The following TTC29 variants were observed in gnomAD, a reference collection of about 807,000 sequenced individuals.
TTC29 encodes the protein tetratricopeptide repeat protein 29.
TTC29 carries 49 observed loss-of-function variants against 58.1 expected under a neutral mutation model. The ratio of observed to expected loss-of-function variants is 0.84; its 90% CI spans 0.67 to 1.07. The LOEUF (loss-of-function observed/expected upper bound fraction) is 1.07, where lower values mean the gene tolerates loss of function less well. TTC29 is among the 50% of genes least tolerant of loss of function. TTC29 has a pLI of 0.00. For missense variants in TTC29, 582 were observed against 555.6 expected (o/e 1.05, Z -0.48); for synonymous variants, 209 against 196.8 (o/e 1.06, Z -0.52).
At chr4:146,894,542 AG>A (rs1335446262) in intron 6 of TTC29, among the ~76,000 whole-genome samples, 3 of 63,704 alleles carry the variant, frequency 4.7e-5, no homozygotes, top group African/African-American at 6.4e-5. Context: ...GGGTTGGGGG[AG>A]GGGGGAGGGA....
intron 11 of TTC29, among the ~76,000 whole-genome samples, chr4:146,776,967 G>A (rs112885532): frequency 1.3e-5 from 2 of 152,264 alleles, no homozygotes; most frequent in African/African-American, 4.8e-5. Context: ...GAGAGGCAGG[G>A]CCACTGGTAT....
intron 11 of TTC29, among the ~76,000 whole-genome samples, chr4:146,749,302 C>T (rs1745789383): frequency 6.6e-6 from 1 of 152,000 alleles, no homozygotes; most frequent in African/African-American, 2.4e-5. Flanking sequence ...CAGAGTAAGA[C>T]CCTGTCTCAA....
intron 6 of TTC29, among the ~76,000 whole-genome samples, chr4:146,890,693 A>G (rs1325026916): frequency 6.6e-6 from 1 of 152,212 alleles, no homozygotes; most frequent in Non-Finnish European, 1.5e-5. Context: ...CAGATGGCTG[A>G]ATATTCCCCT....
At chr4:146,803,793 G>T in intron 10 of TTC29, 108 bp from the exon 11 acceptor site, 2 of 783,722 alleles carry the variant, frequency 2.6e-6, no homozygotes, top group Non-Finnish European at 1.9e-6. Context: ...GACAGTTACA[G>T]CAGTTCATCT....
In TTC29 at chr4:146,748,005, C is replaced by A. The variant is rs183908873; in HGVS notation, c.1331-40454G>T. On this transcript the variant is annotated intron_variant, in intron 11 of 12. Coordinates refer to ENST00000325106, the MANE Select transcript of TTC29 (RefSeq NM_031956.4). ...CAGTGGCATCTTGCCATTCCTGGGT[C>A]CTTGCTGCTTCTGCATCTGCCTCAC... Among the ~76,000 whole-genome samples the A allele has an allele frequency of 2.6e-3, 394 of 152,338 alleles. 4 individuals carry two copies. Among genetic ancestry groups the A allele is most frequent in the Middle Eastern group, 0.01 (3 of 294 alleles).
intron 9 of TTC29, among the ~76,000 whole-genome samples, chr4:146,832,918 T>C (rs1728264103): frequency 6.6e-6 from 1 of 152,218 alleles, no homozygotes; most frequent in African/African-American, 2.4e-5. Context: ...ATATTAGTAA[T>C]GGTACTTATA....
At chr4:146,910,443 T>C (rs1733822322) in intron 4 of TTC29, among the ~76,000 whole-genome samples, 1 of 152,060 alleles carries the variant, frequency 6.6e-6, no homozygotes, top group Non-Finnish European at 1.5e-5. Flanking sequence ...TAGACTTGCA[T>C]CTACCAAGGA....
At chr4:146,830,787 A>T (rs1410195335) in intron 9 of TTC29, among the ~76,000 whole-genome samples, 1 of 138,336 alleles carries the variant, frequency 7.2e-6, no homozygotes, top group East Asian at 1.9e-4. Flanking sequence ...GGGTATGTGC[A>T]TGTATGTATG....
In TTC29 at chr4:146,925,546, T is replaced by A. The variant is rs960601465; in HGVS notation, c.176+12048A>T. Among the ~76,000 whole-genome samples the A allele has an allele frequency of 2.0e-5, 3 of 152,168 alleles. No individual in the cohort carries two copies. In the East Asian group the frequency reaches 5.8e-4, roughly 29 times the overall value. Reference sequence around the variant, plus strand: ...ATCATGGTAAGAATTTATTATCCTTTGTACTTCTGTGTGGCCATTTCAAAT... The same window carrying A: ...ATCATGGTAAGAATTTATTATCCTTAGTACTTCTGTGTGGCCATTTCAAAT... On this transcript the variant is annotated intron_variant, in intron 4 of 12. Transcript: ENST00000325106.
intron 11 of TTC29, among the ~76,000 whole-genome samples, chr4:146,745,844 G>A (rs1048794173): frequency 2.0e-5 from 3 of 152,198 alleles, no homozygotes. Context: ...GCTAAAATTG[G>A]TGATAGGCTA....
intron 11 of TTC29, among the ~76,000 whole-genome samples, chr4:146,792,480 A>C (rs1208701829): frequency 6.6e-6 from 1 of 152,198 alleles, no homozygotes; most frequent in Non-Finnish European, 1.5e-5. Flanking sequence ...CTGCTCATTG[A>C]TAATGCATCT....
chr4:146,829,084 C>T (rs912202064), intron 9 of TTC29, among the ~76,000 whole-genome samples: 1 of 152,174 alleles, frequency 6.6e-6, no homozygotes, highest in Non-Finnish European at 1.5e-5. Context: ...GCAACTTGAA[C>T]AGCATATTAT....
chr4:146,859,019 T>C (rs868253512), intron 8 of TTC29, among the ~76,000 whole-genome samples: 1 of 152,284 alleles, frequency 6.6e-6, no homozygotes, highest in Middle Eastern at 3.4e-3. Context: ...AAAGATTTGA[T>C]AGCAGATATG....
Position 146,707,499 on chromosome 4 carries a change from C to T in TTC29, c.1383G>A (p.Leu461=), listed in dbSNP as rs1449293258. The part of the protein sequence containing the change: ...VEAVSQNSER[L]EELSRFPGDQ... ...ATTTATCATACCTACTGAGTTCTTCCAAACGTTCTGAGTTTTGAGATACAG... is the reference window on the plus strand; with the variant it reads ...ATTTATCATACCTACTGAGTTCTTCTAAACGTTCTGAGTTTTGAGATACAG... Residue 461 remains leucine, a synonymous_variant, in exon 12 of 13, where the codon TTG becomes TTA. Transcript: ENST00000325106. 3 of 1,609,838 alleles carry T rather than the reference C, an allele frequency of 1.9e-6. No homozygotes were observed. In the African/African-American group the frequency reaches 4.0e-5, roughly 22 times the overall value.
intron 4 of TTC29, among the ~76,000 whole-genome samples, chr4:146,923,887 A>G (rs1036323071): frequency 2.0e-5 from 3 of 151,870 alleles, no homozygotes; most frequent in Admixed American, 1.3e-4. Context: ...TATATTGATA[A>G]AAAGATTAGT....
rs575109903 is a variant in TTC29, at chr4:146,717,221, G to T, written c.1331-9670C>A. ...AAGTAAATATAAATTTTTTCCCATG[G>T]ATTGAGAACATATTTTGTAATAGGG... On this transcript the variant is annotated intron_variant, in intron 11 of 12. Coordinates refer to ENST00000325106, the MANE Select transcript of TTC29 (RefSeq NM_031956.4). Among the ~76,000 whole-genome samples the T allele has an allele frequency of 9.2e-5, 14 of 152,186 alleles. No individual in the cohort carries two copies. In the East Asian group the frequency reaches 2.7e-3, roughly 29 times the overall value.
At chr4:146,944,565 A>G (rs1736744153) in intron 2 of TTC29, among the ~76,000 whole-genome samples, 1 of 152,164 alleles carries the variant, frequency 6.6e-6, no homozygotes, top group Non-Finnish European at 1.5e-5. Context: ...TACTTGGAGA[A>G]TGACTATGTC....
chr4:146,791,322 C>T (rs111464642), intron 11 of TTC29, among the ~76,000 whole-genome samples: 2,007 of 152,244 alleles, frequency 0.013, 23 homozygotes, highest in Middle Eastern at 0.024. Flanking sequence ...TCCTCTGTGT[C>T]ACATTTTGGT....
intron 11 of TTC29, among the ~76,000 whole-genome samples, chr4:146,714,402 T>C (rs1456878030): frequency 6.6e-6 from 1 of 152,036 alleles, no homozygotes; most frequent in African/African-American, 2.4e-5. Flanking sequence ...ATGAACATAT[T>C]ATCAGTAAAC....
Sources: allele counts gnomAD v4.1 joint callset (sites outside exome capture counted in the v4.1 genomes callset), GRCh38; gene constraint gnomAD v4.1.1; transcripts MANE v1.5; gene names NCBI Gene and HGNC (gene_info 2026-07-23, HGNC 2026-07-21).